SRGAP2: variants seen among roughly 807,000 people sequenced by gnomAD.
SRGAP2 encodes the protein SLIT-ROBO Rho GTPase activating protein 2.
SRGAP2 carries 15 observed loss-of-function variants against 57.2 expected under a neutral mutation model. That is an observed-to-expected ratio of 0.26 (90% CI 0.18 to 0.40). The LOEUF (loss-of-function observed/expected upper bound fraction) is 0.40, where lower values mean the gene tolerates loss of function less well. Ranked by LOEUF, SRGAP2 falls within the 10% of genes least tolerant of loss-of-function variation. The pLI is 1.00. For missense variants in SRGAP2, 520 were observed against 669.6 expected, an observed-to-expected ratio of 0.78 and a Z score of 2.47; for synonymous variants, 249 against 248.0, an observed-to-expected ratio of 1.00 and a Z score of -0.04.
intron 3 of SRGAP2, among the ~76,000 whole-genome samples, chr1:206,333,678 C>A (rs1205313783): frequency 2.0e-5 from 3 of 152,156 alleles, no homozygotes; most frequent in Non-Finnish European, 4.4e-5. Flanking sequence ...AGGCACGTGT[C>A]ACCATACCTG....
intron 14 of SRGAP2, among the ~76,000 whole-genome samples, chr1:206,431,161 A>G (rs150830830): frequency 4.8e-4 from 73 of 152,286 alleles, no homozygotes; most frequent in African/African-American, 1.7e-3. Flanking sequence ...TTATTATAGC[A>G]TGGTTACAAT....
intron 13 of SRGAP2, among the ~76,000 whole-genome samples, chr1:206,424,155 G>A (rs1267503973): frequency 1.3e-5 from 2 of 151,824 alleles, no homozygotes; most frequent in Admixed American, 6.6e-5. Flanking sequence ...TCCAACTTAG[G>A]CCCTACCTTT....
chr1:206,210,403 CTTT>C (rs71568077), intron 2 of SRGAP2, among the ~76,000 whole-genome samples: 653 of 31,734 alleles, frequency 0.021, 1 homozygote, highest in Non-Finnish European at 0.028. Flanking sequence ...GGGGTCTTGT[CTTT>C]TTTTTTTTTT....
At chr1:206,415,498 C>T (rs58204510) in intron 10 of SRGAP2, among the ~76,000 whole-genome samples, 6,621 of 152,246 alleles carry the variant, frequency 0.043, 293 homozygotes, top group African/African-American at 0.11. Context: ...CCCCTCCTCC[C>T]ACCGAGGGGC....
chr1:206,356,932 G>C (rs1676484689), intron 4 of SRGAP2, among the ~76,000 whole-genome samples: 1 of 137,982 alleles, frequency 7.2e-6, no homozygotes, highest in Non-Finnish European at 1.5e-5. Context: ...CAAATCATTT[G>C]GGTCTACATC....
intron 2 of SRGAP2, among the ~76,000 whole-genome samples, chr1:206,211,117 G>A (rs1471227563): frequency 6.9e-6 from 1 of 144,690 alleles, no homozygotes; most frequent in Admixed American, 7.0e-5. Flanking sequence ...GGTGTTCTTG[G>A]GGAATGAGAA....
chr1:206,429,048 C>G (rs1553367362), intron 13 of SRGAP2, among the ~76,000 whole-genome samples: 2 of 152,166 alleles, frequency 1.3e-5, no homozygotes, highest in African/African-American at 4.8e-5. Flanking sequence ...GGCCTCACAC[C>G]TCTTTAAATT....
intron 22 of SRGAP2, among the ~76,000 whole-genome samples, chr1:206,459,180 G>A (rs1300647771): frequency 2.0e-5 from 3 of 152,220 alleles, no homozygotes; most frequent in African/African-American, 4.8e-5. Context: ...CTAGCTTCTT[G>A]CTCATACACT....
At chr1:206,431,572 T>C (rs1364361015) in intron 14 of SRGAP2, among the ~76,000 whole-genome samples, 1 of 152,250 alleles carries the variant, frequency 6.6e-6, no homozygotes, top group African/African-American at 2.4e-5. Flanking sequence ...CACTGTTCAT[T>C]AGCATACATT....
At chr1:206,394,454 A>G (rs1204760794) in intron 7 of SRGAP2, among the ~76,000 whole-genome samples, 21 of 152,222 alleles carry the variant, frequency 1.4e-4, no homozygotes, top group African/African-American at 4.8e-4. Flanking sequence ...ATATTTGTAT[A>G]GCATTTAAGG....
At chr1:206,441,325 A>C (rs1172653425) in intron 17 of SRGAP2, among the ~76,000 whole-genome samples, 3 of 152,164 alleles carry the variant, frequency 2.0e-5, no homozygotes, top group African/African-American at 7.2e-5. Flanking sequence ...GGTGGTATTT[A>C]GCTAATCACC....
intron 18 of SRGAP2, among the ~76,000 whole-genome samples, chr1:206,447,787 C>T (rs1028274553): frequency 3.3e-5 from 5 of 152,312 alleles, no homozygotes; most frequent in East Asian, 3.9e-4. Context: ...GTCCAGTGCC[C>T]GGGGCACAGA....
In SRGAP2 at chr1:206,321,854, A is replaced by G. The variant is rs1318491449; in HGVS notation, c.260+18381A>G. On this transcript the variant is annotated intron_variant, in intron 3 of 22. Transcript: ENST00000573034. Reference sequence around the variant, plus strand: ...GGCACAACAAGATGTTCCAGGCTTAACTTGTACTTTCCTTGCCTTTACTGT... The same window carrying G: ...GGCACAACAAGATGTTCCAGGCTTAGCTTGTACTTTCCTTGCCTTTACTGT... Among the ~76,000 whole-genome samples the G allele has an allele frequency of 2.0e-5, 3 of 152,190 alleles. No homozygotes were observed. In the East Asian group the frequency reaches 5.8e-4, roughly 29 times the overall value.
At chr1:206,273,826 T>G (rs1324649618) in intron 2 of SRGAP2, among the ~76,000 whole-genome samples, 2 of 150,754 alleles carry the variant, frequency 1.3e-5, no homozygotes, top group Non-Finnish European at 2.9e-5. Flanking sequence ...TGAAGTTGTT[T>G]TTATGATTTC....
At chr1:206,458,321 A>C in intron 21 of SRGAP2, 1 of 565,772 alleles carries the variant, frequency 1.8e-6, no homozygotes, top group Non-Finnish European at 3.5e-6. Flanking sequence ...CTTTCCATGA[A>C]TCTCTTTCCC....
chr1:206,384,324 ATAATTAC>A (rs1655978417), intron 5 of SRGAP2, among the ~76,000 whole-genome samples: 1 of 151,884 alleles, frequency 6.6e-6, no homozygotes, highest in Admixed American at 6.5e-5. Context: ...TATTTGGGGC[ATAATTAC>A]TAGAGACCAG....
intron 4 of SRGAP2, among the ~76,000 whole-genome samples, chr1:206,353,798 ATTT>A (rs566625693): frequency 3.9e-5 from 5 of 127,312 alleles, no homozygotes; most frequent in African/African-American, 9.1e-5. Flanking sequence ...TTTATTTCAG[ATTT>A]TTTTTTTTTT....
intron 21 of SRGAP2, 26 bp downstream of exon 21, chr1:206,455,050 T>C: frequency 1.3e-6 from 1 of 780,582 alleles, no homozygotes; most frequent in East Asian, 2.4e-5. Context: ...CATTTTCTGC[T>C]CCCCTGAATG....
intron 3 of SRGAP2, among the ~76,000 whole-genome samples, chr1:206,325,012 TTCCCTCCC>T (rs782481569): frequency 2.3e-4 from 33 of 145,990 alleles, no homozygotes; most frequent in Non-Finnish European, 4.2e-4. Flanking sequence ...GTTTCCCCGC[TTCCCTCCC>T]TCCCTCCCTC....
Sources: gnomAD v4.1 joint callset for allele counts (sites outside exome capture counted in the v4.1 genomes callset) on GRCh38, gnomAD v4.1.1 for gene constraint, MANE v1.5 for transcripts, NCBI Gene and HGNC (gene_info 2026-07-23, HGNC 2026-07-21) for gene names.